RBFOX1: variants seen among roughly 807,000 people sequenced by gnomAD.
RBFOX1 encodes RNA binding protein fox-1 homolog 1.
Under a neutral mutation model 57.7 loss-of-function variants are expected in RBFOX1, and 8 were observed. The ratio of observed to expected loss-of-function variants is 0.14; its 90% CI spans 0.08 to 0.25. The LOEUF (loss-of-function observed/expected upper bound fraction) is 0.25, where lower values mean the gene tolerates loss of function less well. RBFOX1 is among the 10% of genes least tolerant of loss of function. RBFOX1 has a pLI of 1.00. For synonymous variants in RBFOX1, 326 were observed against 222.4 expected, an observed-to-expected ratio of 1.47 and a Z score of -4.15; for missense variants, 611 against 548.5, an observed-to-expected ratio of 1.11 and a Z score of -1.14.
chr16:7,068,439 G>C (rs1440132449), intron 4 of RBFOX1, among the ~76,000 whole-genome samples: 2 of 152,092 alleles, frequency 1.3e-5, no homozygotes, highest in Non-Finnish European at 2.9e-5. Context: ...CATTGGCCCA[G>C]GACTCACCTC....
intron 4 of RBFOX1, among the ~76,000 whole-genome samples, chr16:5,874,161 T>C (rs938172166): frequency 3.9e-5 from 6 of 152,184 alleles, no homozygotes; most frequent in African/African-American, 1.4e-4. Flanking sequence ...TTAGTGTCCT[T>C]AACAGCAGCC....
chr16:7,349,403 T>C (rs1397293401), intron 4 of RBFOX1, among the ~76,000 whole-genome samples: 1 of 152,158 alleles, frequency 6.6e-6, no homozygotes, highest in East Asian at 1.9e-4. Flanking sequence ...TTCCCCTAAG[T>C]CCTCAAAGTA....
chr16:7,606,757 A>C (rs1230955640), intron 9 of RBFOX1, among the ~76,000 whole-genome samples: 1 of 152,234 alleles, frequency 6.6e-6, no homozygotes, highest in Non-Finnish European at 1.5e-5. Flanking sequence ...TGTAGGCCAC[A>C]GTAAATCTCT....
chr16:5,583,623 C>A (rs942732425), intron 2 of RBFOX1, among the ~76,000 whole-genome samples: 1 of 152,204 alleles, frequency 6.6e-6, no homozygotes, highest in Non-Finnish European at 1.5e-5. Context: ...TCAAGTTGAA[C>A]TTGTCTGAAG....
chr16:6,840,360 T>C (rs1235089698), intron 3 of RBFOX1, among the ~76,000 whole-genome samples: 1 of 152,212 alleles, frequency 6.6e-6, no homozygotes, highest in East Asian at 1.9e-4. Flanking sequence ...CATTGGTCCC[T>C]GTATTTCAGG....
At chr16:7,337,770 C>T (rs1282932023) in intron 4 of RBFOX1, among the ~76,000 whole-genome samples, 1 of 152,134 alleles carries the variant, frequency 6.6e-6, no homozygotes, top group East Asian at 1.9e-4. Context: ...TTGCAACCTC[C>T]ACCTCCCAGG....
chr16:6,676,013 C>T (rs1237040123), intron 3 of RBFOX1, among the ~76,000 whole-genome samples: 1 of 151,548 alleles, frequency 6.6e-6, no homozygotes, highest in African/African-American at 2.4e-5. Context: ...GAGAGGTTCT[C>T]AAAAGGAAAA....
intron 2 of RBFOX1, among the ~76,000 whole-genome samples, chr16:5,478,914 G>C (rs1348278492): frequency 6.6e-6 from 1 of 152,188 alleles, no homozygotes. Flanking sequence ...GTTTAGGGAT[G>C]AGGGCAGAGG....
intron 3 of RBFOX1, chr16:6,774,055 C>T: frequency 1.1e-6 from 1 of 938,100 alleles, no homozygotes; most frequent in Non-Finnish European, 1.3e-6. Flanking sequence ...TGCTCATTGG[C>T]TTTCTGATTT....
chr16:6,730,117 C>T (rs2154172762), intron 3 of RBFOX1, among the ~76,000 whole-genome samples: 1 of 152,278 alleles, frequency 6.6e-6, no homozygotes, highest in South Asian at 2.1e-4. Context: ...GCAATTCCTG[C>T]TTCCTTTGAC....
chr16:6,201,572 T>A (rs777995208), intron 1 of RBFOX1, among the ~76,000 whole-genome samples: 109 of 152,120 alleles, frequency 7.2e-4, no homozygotes, highest in Non-Finnish European at 1.2e-3. Context: ...AAAAATACAG[T>A]TGATAGAATG....
intron 4 of RBFOX1, among the ~76,000 whole-genome samples, chr16:7,380,982 C>G (rs918210337): frequency 6.6e-6 from 1 of 152,202 alleles, no homozygotes; most frequent in African/African-American, 2.4e-5. Context: ...TGAAAGTAGA[C>G]AGGTCTATCC....
At chr16:6,854,160 C>G (rs138332284) in intron 3 of RBFOX1, among the ~76,000 whole-genome samples, 1 of 152,080 alleles carries the variant, frequency 6.6e-6, no homozygotes, top group Non-Finnish European at 1.5e-5. Flanking sequence ...GAGTGTCTGA[C>G]GTTTATTAGT....
chr16:5,748,563 G>T (rs981895762), intron 3 of RBFOX1, among the ~76,000 whole-genome samples: 4 of 152,058 alleles, frequency 2.6e-5, no homozygotes, highest in African/African-American at 7.2e-5. Flanking sequence ...TGCTGTATTG[G>T]GTGCATATAT....
At chr16:6,760,837 G>A (rs1337261367) in intron 3 of RBFOX1, among the ~76,000 whole-genome samples, 1 of 152,132 alleles carries the variant, frequency 6.6e-6, no homozygotes, top group Non-Finnish European at 1.5e-5. Context: ...ACAGTGTGTG[G>A]CCCCAGGGAG....
At chr16:6,677,326 CA>C in intron 3 of RBFOX1, among the ~76,000 whole-genome samples, 1 of 152,120 alleles carries the variant, frequency 6.6e-6, no homozygotes, top group Non-Finnish European at 1.5e-5. Flanking sequence ...CCTTTTGTAA[CA>C]CTGAACTGAT....
At chr16:6,621,712 C>G (rs1022662276) in intron 2 of RBFOX1, among the ~76,000 whole-genome samples, 2 of 152,162 alleles carry the variant, frequency 1.3e-5, no homozygotes, top group Admixed American at 6.5e-5. Flanking sequence ...TGGGCTAATG[C>G]TCGTTAGCTC....
chr16:5,468,996 G>C (rs769513304), intron 2 of RBFOX1, among the ~76,000 whole-genome samples: 25 of 152,220 alleles, frequency 1.6e-4, no homozygotes, highest in Non-Finnish European at 3.4e-4. Context: ...GTAGGTGTCT[G>C]CCCGTGCTGT....
chr16:5,383,501 A>G (rs770788579), intron 1 of RBFOX1, among the ~76,000 whole-genome samples: 18 of 152,208 alleles, frequency 1.2e-4, no homozygotes, highest in Non-Finnish European at 5.9e-5. Context: ...GCAAAACACT[A>G]GTTGAATCAT....
Sources: allele counts gnomAD v4.1 joint callset (sites outside exome capture counted in the v4.1 genomes callset), GRCh38; gene constraint gnomAD v4.1.1; transcripts MANE v1.5; gene names NCBI Gene and HGNC (gene_info 2026-07-23, HGNC 2026-07-21).